AP3D1: variants seen among roughly 807,000 people sequenced by gnomAD.
AP3D1 encodes adaptor related protein complex 3 subunit delta 1, also known as AP-3 complex subunit delta-1.
A neutral mutation model predicts 147.6 loss-of-function variants in AP3D1; 51 were observed. The observed-to-expected ratio is 0.35, with a 90% confidence interval of 0.28 to 0.44. The LOEUF (loss-of-function observed/expected upper bound fraction) is 0.44, where lower values mean the gene tolerates loss of function less well. Among genes scored for constraint, AP3D1 ranks in the 20% least tolerant of loss-of-function variants. The pLI is 1.00. For missense variants in AP3D1, 1,421 were observed against 1,624.2 expected (o/e 0.87, Z 2.15); for synonymous variants, 760 against 663.0 (o/e 1.15, Z -2.25).
At chr19:2,112,039 A>G in intron 24 of AP3D1, 1 of 712,348 alleles carries the variant, frequency 1.4e-6, no homozygotes, top group Non-Finnish European at 2.3e-6. Flanking sequence ...GTTGGCGGCA[A>G]GCGCCAAAGC....
chr19:2,116,559 C>T, intron 17 of AP3D1, 46 bp downstream of exon 17: 2 of 1,520,358 alleles, frequency 1.3e-6, no homozygotes, highest in South Asian at 2.6e-5. Flanking sequence ...CTCCCTGGGA[C>T]AGGAGGGAGG....
chr19:2,128,055 C>G (rs1017084), intron 8 of AP3D1, among the ~76,000 whole-genome samples: 172 of 152,282 alleles, frequency 1.1e-3, no homozygotes, highest in African/African-American at 4.0e-3. Context: ...TCCTTGTTGC[C>G]GACACATGAC....
chr19:2,118,551 G>GCT (rs767837471), intron 15 of AP3D1, 50 bp downstream of exon 15: 1 of 1,549,934 alleles, frequency 6.5e-7, no homozygotes, highest in East Asian at 2.3e-5. Context: ...GGACAGAAAG[G>GCT]CACTGAGGGC....
chr19:2,147,223 T>A (rs1331349054), intron 1 of AP3D1, among the ~76,000 whole-genome samples: 1 of 151,710 alleles, frequency 6.6e-6, no homozygotes, highest in African/African-American at 2.4e-5. Flanking sequence ...CACATGCCTG[T>A]AATCCCAGCT....
chr19:2,164,181 G>T (rs758629663), intron 1 of AP3D1: 1 of 1,197,292 alleles, frequency 8.4e-7, no homozygotes. Flanking sequence ...CCGCGCGCGC[G>T]GACATGGGGG....
intron 6 of AP3D1, 145 bp downstream of exon 6, chr19:2,130,263 G>A: frequency 2.3e-6 from 3 of 1,318,270 alleles, no homozygotes; most frequent in Non-Finnish European, 3.1e-6. Context: ...AGCAAGGGGA[G>A]GCCCAGCCAC....
intron 27 of AP3D1, 37 bp downstream of exon 27, chr19:2,110,670 A>G (rs760906099): frequency 2.0e-6 from 3 of 1,523,968 alleles, no homozygotes; most frequent in South Asian, 1.2e-5. Context: ...GCGCTCCCAC[A>G]GTCCCCAGGA....
At chr19:2,114,651 A>AGC in intron 21 of AP3D1, 97 bp downstream of exon 21, 1 of 311,210 alleles carries the variant, frequency 3.2e-6, no homozygotes, top group Non-Finnish European at 6.1e-6. Context: ...CAGCCTGCCC[A>AGC]CCCTGCAGAG....
At position 2,112,088 on chromosome 19, in the gene AP3D1, A is replaced by G. The variant is rs890262622; in HGVS notation, c.2788-260T>C. 10 of 545,496 alleles carry G rather than the reference A, an allele frequency of 1.8e-5. No homozygotes were observed. The South Asian group carries it at 1.9e-4, about 10-fold the overall frequency. The allele number at this position is 545,496 out of a possible 1,614,324, so 33.8% of individuals were successfully genotyped here. On this transcript the variant is annotated intron_variant, in intron 24 of 31. Coordinates refer to ENST00000643116, the MANE Select transcript of AP3D1 (RefSeq NM_001261826.3). ...GTCCCCACCGACCAGGGAGCCATGC[A>G]GGGCAAACCAGTGAGGACACCACAC...
chr19:2,115,101 T>G (rs923716117), intron 20 of AP3D1, 118 bp downstream of exon 20: 1 of 1,078,430 alleles, frequency 9.3e-7, no homozygotes, highest in Non-Finnish European at 1.3e-6. Context: ...CTCTCCGGGG[T>G]GGGGCCTCAT....
In AP3D1 at chr19:2,123,898, TCAGCACCACGGTCAGCACCATGGC is replaced by T. The variant is rs1157910075; in HGVS notation, c.857-43_857-20del. The T allele has an allele frequency of 6.4e-7, 1 of 1,566,898 alleles. No homozygotes were observed. Among genetic ancestry groups the T allele is most frequent in the Non-Finnish European group, 8.7e-7 (1 of 1,155,970 alleles). ...ATGAGCACTGCAACAGACAGCTTGGTCAGCACCACGGTCAGCACCATGGCCAGCGCCGACACCAACTCAGGGCCA... is the reference window on the plus strand; with the variant it reads ...ATGAGCACTGCAACAGACAGCTTGGTCAGCGCCGACACCAACTCAGGGCCA... On this transcript the variant is annotated intron_variant, in intron 9 of 31. Coordinates refer to ENST00000643116, the MANE Select transcript of AP3D1 (RefSeq NM_001261826.3).
chr19:2,127,032 C>T, intron 9 of AP3D1, 120 bp downstream of exon 9: 1 of 1,103,382 alleles, frequency 9.1e-7, no homozygotes, highest in Non-Finnish European at 1.3e-6. Context: ...GCCAGCTTTC[C>T]TTCTCAGTTC....
chr19:2,114,143 C>G lies in AP3D1; in HGVS notation c.2583G>C (p.Lys861Asn). The change falls in exon 22 of 32, where the codon AAG becomes AAC. Residue 861 changes from lysine to asparagine, a missense_variant. Lys to Asn is a moderately conservative substitution (Grantham distance 94). Around this residue, in one of 6 missense-constraint regions of AP3D1, gnomAD observed 791 missense variants for 761.4 expected, o/e 1.04. Coordinates refer to ENST00000643116, the MANE Select transcript of AP3D1 (RefSeq NM_001261826.3). ...GCCTTACCTTCTTCTCCTTCTCCTT[C>G]TTCTTCTCCTTGTCTCTCTCTTTCT... ...HKEKERDKEK[K>N]KEKEKKAEDL... The G allele has an allele frequency of 7.0e-6, 11 of 1,561,114 alleles. No individual in the cohort carries two copies. Among genetic ancestry groups the G allele is most frequent in the Non-Finnish European group, 8.7e-6 (10 of 1,152,624 alleles).
intron 26 of AP3D1, 95 bp from the exon 27 acceptor site, chr19:2,110,991 G>A: frequency 7.3e-7 from 1 of 1,375,910 alleles, no homozygotes; most frequent in Non-Finnish European, 1.0e-6. Flanking sequence ...GGCAGCAGGG[G>A]TCCCACAGGC....
rs569687979 is a variant in AP3D1, at chr19:2,111,417, G to A, written c.2938-85C>T. On this transcript the variant is annotated intron_variant, in intron 25 of 31. Transcript: ENST00000643116. The stretch of plus-strand genomic sequence containing the variant: ...CCAGTATGGCCCAATACCCCAGGTC[G>A]AATGCCACGACTCCAAGAATGCTTG... 5.7e-5 allele frequency: 87 copies of A among 1,514,186 alleles called. 2 individuals carry two copies. Among genetic ancestry groups the A allele is most frequent in the South Asian group, 5.4e-4 (47 of 86,806 alleles). The allele number at this position is 1,514,186 out of a possible 1,614,324, so 93.8% of individuals were successfully genotyped here.
At chr19:2,147,041 G>A (rs1360680341) in intron 1 of AP3D1, among the ~76,000 whole-genome samples, 1 of 144,632 alleles carries the variant, frequency 6.9e-6, no homozygotes, top group Non-Finnish European at 1.6e-5. Context: ...GTTATTAAAA[G>A]GAGAGAAAAC....
rs544691738 is a variant in AP3D1, at chr19:2,132,082, C to G, written c.462+389G>C. ...GGTTTTAGACTGTCACAGCCGGGGG[C>G]GTAGCCTTTGACAAGCAGAGTGGCA... On this transcript the variant is annotated intron_variant, in intron 5 of 31. Coordinates refer to ENST00000643116, the MANE Select transcript of AP3D1 (RefSeq NM_001261826.3). Among the ~76,000 whole-genome samples the G allele has an allele frequency of 1.5e-4, 23 of 152,202 alleles. No homozygotes were observed. The South Asian group carries it at 4.8e-3, about 32-fold the overall frequency.
chr19:2,148,896 C>A (rs2005325), intron 1 of AP3D1, among the ~76,000 whole-genome samples: 1 of 152,144 alleles, frequency 6.6e-6, no homozygotes, highest in East Asian at 1.9e-4. Flanking sequence ...GCAGAAAATG[C>A]GCACACTGTC....
chr19:2,148,064 G>A (rs1322977090), intron 1 of AP3D1, among the ~76,000 whole-genome samples: 7 of 148,238 alleles, frequency 4.7e-5, no homozygotes, highest in Non-Finnish European at 7.4e-5. Context: ...GGAGAATGGC[G>A]TGAACCCGGG....
Sources: gnomAD v4.1 joint callset for allele counts (sites outside exome capture counted in the v4.1 genomes callset) on GRCh38, gnomAD v4.1.1 for gene constraint, gnomAD v4.1.1 regional missense constraint, MANE v1.5 for transcripts, NCBI Gene and HGNC (gene_info 2026-07-23, HGNC 2026-07-21) for gene names.